Variants in CNMD observed in about 807,000 individuals in gnomAD.
CNMD encodes the protein leukocyte cell-derived chemotaxin 1.
Under a neutral mutation model 37.5 loss-of-function variants are expected in CNMD, and 30 were observed. That is an observed-to-expected ratio of 0.80 (90% CI 0.60 to 1.09). The LOEUF is 1.09. CNMD is among the 50% of genes least tolerant of loss of function. CNMD has a pLI of 0.00. For synonymous variants in CNMD, 167 were observed against 148.2 expected (o/e 1.13, Z -0.92); for missense variants, 398 against 423.9 (o/e 0.94, Z 0.54).
At position 52,708,613 on chromosome 13, in the gene CNMD, C is replaced by G; in HGVS notation, c.712G>C (p.Ala238Pro). The G allele has an allele frequency of 6.2e-7, 1 of 1,613,932 alleles. No homozygotes were observed. Among genetic ancestry groups the G allele is most frequent in the Non-Finnish European group, 8.5e-7 (1 of 1,179,878 alleles). Residue 238 changes from alanine to proline, a missense_variant, in exon 6 of 7, where the codon GCT (alanine) becomes CCT (proline). By Grantham distance (27) the Ala-to-Pro change is conservative. Transcript: ENST00000377962. ...CTGGTTTCATTATTCAGTCTTCCAG[C>G]GCCTGGGTTGCTCCGTGGTCCACTG... ...PHSGPRSNPG[A>P]GRLNNETRPS...
intron 4 of CNMD, among the ~76,000 whole-genome samples, chr13:52,718,436 G>T (rs1476246266): frequency 6.6e-6 from 1 of 152,056 alleles, no homozygotes. Flanking sequence ...TGATGTTAGG[G>T]TGTCAGTTTT....
intron 2 of CNMD, among the ~76,000 whole-genome samples, chr13:52,737,383 G>A (rs1175017596): frequency 1.3e-5 from 2 of 152,038 alleles, no homozygotes; most frequent in Non-Finnish European, 2.9e-5. Context: ...TTTGATTGTT[G>A]ACAATAAAAT....
At chr13:52,734,905 G>C (rs1964729841) in intron 2 of CNMD, among the ~76,000 whole-genome samples, 1 of 152,148 alleles carries the variant, frequency 6.6e-6, no homozygotes, top group South Asian at 2.1e-4. Context: ...TTTATTATCA[G>C]CAGAGATACA....
At position 52,703,755 on chromosome 13, in the gene CNMD, C is replaced by G; in HGVS notation, c.845G>C (p.Cys282Ser). 6.2e-7 allele frequency: 1 copy of G among 1,614,024 alleles called. No individual in the cohort carries two copies. The highest frequency in any genetic ancestry group is 1.3e-5 in the African/African-American group (1 of 75,052). ...FDPRLDHEGI[C>S]CIECRRSYTH... The stretch of plus-strand genomic sequence containing the variant: ...GTAGCTCCGCCTACATTCTATACAA[C>G]AGATTCCTTCGTGATCCAGTCTAGG... The change falls in exon 7 of 7, where the codon TGT (cysteine) becomes TCT (serine). Residue 282 changes from cysteine to serine, a missense_variant. By Grantham distance (112) the Cys-to-Ser change is moderately radical. Transcript: ENST00000377962.
chr13:52,708,004 A>G (rs548204597), intron 6 of CNMD, among the ~76,000 whole-genome samples: 14 of 152,038 alleles, frequency 9.2e-5, no homozygotes, highest in Admixed American at 2.0e-4. Flanking sequence ...AATCCCAGCT[A>G]CTTGGGAGGC....
chr13:52,739,633 G>T lies in CNMD; in HGVS notation c.69C>A (p.Pro23=). The T allele has an allele frequency of 6.2e-7, 1 of 1,613,836 alleles. No homozygotes were observed. The highest frequency in any genetic ancestry group is 8.5e-7 in the Non-Finnish European group (1 of 1,179,718). Residue 23 remains proline (P), a synonymous_variant, in exon 1 of 7, where the codon CCC becomes CCA. Transcript: ENST00000377962. The surrounding 1 kb of genome is among the most constrained non-coding windows in gnomAD (Gnocchi z 5.4). ...TGGAATCCCTGGCGGTACTCACCGG[G>T]GGGCTGCAGAATTCCACGTCATCAG... ...VGPDDVEFCS[P]PAYATLTVKP... is the part of the protein sequence containing the mutation.
chr13:52,720,461 T>C (rs1964463605), intron 4 of CNMD, among the ~76,000 whole-genome samples: 2 of 151,848 alleles, frequency 1.3e-5, no homozygotes, highest in African/African-American at 4.8e-5. Context: ...TTTTCCTTGA[T>C]GTTGGTGACC....
intron 4 of CNMD, among the ~76,000 whole-genome samples, chr13:52,716,849 G>T (rs541224962): frequency 2.6e-5 from 4 of 151,964 alleles, no homozygotes; most frequent in Non-Finnish European, 5.9e-5. Flanking sequence ...TTGGTTCCAC[G>T]TGAAATTTAA....
chr13:52,712,646 G>A lies in CNMD; in HGVS notation c.622+70C>T. 4.0e-6 allele frequency: 4 copies of A among 1,005,514 alleles called. No homozygotes were observed. The South Asian group carries it at 1.1e-4, about 28-fold the overall frequency. 62.3% of individuals were successfully genotyped at this position (1,005,514 alleles called of 1,614,324 possible). A position where few individuals can be genotyped will look rare whatever the true frequency, so the allele number is the denominator to read the frequency against. The stretch of plus-strand genomic sequence containing the variant: ...TGTTAACATGCTCAGGCCTGTGGAG[G>A]GGGTTGGAGGAACCTCACATGCATG... On this transcript the variant is annotated intron_variant, in intron 5 of 6. Coordinates refer to ENST00000377962, the MANE Select transcript of CNMD (RefSeq NM_007015.3).
intron 4 of CNMD, among the ~76,000 whole-genome samples, 199 bp downstream of exon 4, chr13:52,723,798 G>C (rs1306079953): frequency 6.6e-6 from 1 of 152,148 alleles, no homozygotes; most frequent in African/African-American, 2.4e-5. Context: ...GGATGTGGTG[G>C]TGTCCCTGTA....
intron 5 of CNMD, among the ~76,000 whole-genome samples, chr13:52,711,612 C>T (rs1168400068): frequency 6.6e-6 from 1 of 152,200 alleles, no homozygotes; most frequent in Non-Finnish European, 1.5e-5. Context: ...GCCATCTTCT[C>T]CAGCTTTGGG....
At position 52,703,510 on chromosome 13, in the gene CNMD, C is replaced by A; in HGVS notation, c.*85G>T. ...TTGAGTGTAAAAATATTTTGTGGTC[C>A]TATCAGCATCAACCTGCCTTAATGC... On this transcript the variant is annotated 3_prime_UTR_variant, in exon 7 of 7. Transcript: ENST00000377962. The A allele has an allele frequency of 1.2e-6, 1 of 858,392 alleles. No homozygotes were observed. The highest frequency in any genetic ancestry group is 2.5e-5 in the East Asian group (1 of 40,590). 53.2% of individuals were successfully genotyped at this position (858,392 alleles called of 1,614,324 possible).
At chr13:52,738,964 G>T in intron 2 of CNMD, 67 bp downstream of exon 2, 1 of 1,372,540 alleles carries the variant, frequency 7.3e-7, no homozygotes, top group Non-Finnish European at 9.4e-7. Context: ...GCCGGCCCGC[G>T]CTCGGGCTCC....
At chr13:52,737,273 T>A (rs761374445) in intron 2 of CNMD, among the ~76,000 whole-genome samples, 1 of 152,208 alleles carries the variant, frequency 6.6e-6, no homozygotes, top group East Asian at 1.9e-4. Context: ...CTATTTAGTA[T>A]TTTGTGATTT....
Position 52,739,346 on chromosome 13 carries a change from C to T in CNMD, c.73-175G>A. The T allele has an allele frequency of 2.5e-6, 2 of 798,286 alleles. No homozygotes were observed. Among genetic ancestry groups the T allele is most frequent in the South Asian group, 1.9e-5 (1 of 52,250 alleles). The allele number at this position is 798,286 out of a possible 1,614,324, so 49.5% of individuals were successfully genotyped here. On this transcript the variant is annotated intron_variant, in intron 1 of 6. Coordinates refer to ENST00000377962, the MANE Select transcript of CNMD (RefSeq NM_007015.3). The surrounding 1 kb of genome is among the most constrained non-coding windows in gnomAD (Gnocchi z 5.4). ...CGCGCTCCCTCCCGAGGGTCCTTTG[C>T]AGTCGGGCGTGGAAGTGGGATGAGC...
chr13:52,706,613 G>A (rs567580287), intron 6 of CNMD, among the ~76,000 whole-genome samples: 1 of 152,254 alleles, frequency 6.6e-6, no homozygotes, highest in South Asian at 2.1e-4. Context: ...TATACAATGA[G>A]TTACTATTAA....
At chr13:52,719,991 A>G (rs913400960) in intron 4 of CNMD, among the ~76,000 whole-genome samples, 1 of 152,122 alleles carries the variant, frequency 6.6e-6, no homozygotes, top group African/African-American at 2.4e-5. Flanking sequence ...GTTTTTTCAC[A>G]TAGTCCCATA....
At chr13:52,725,097 C>T (rs76669457) in intron 3 of CNMD, among the ~76,000 whole-genome samples, 6,263 of 152,186 alleles carry the variant, frequency 0.041, 150 homozygotes, top group South Asian at 0.064. Context: ...GATGAAATGC[C>T]ACCTTCTCCA....
chr13:52,728,923 A>G (rs74086022), intron 3 of CNMD, among the ~76,000 whole-genome samples: 4,614 of 152,236 alleles, frequency 0.03, 240 homozygotes, highest in African/African-American at 0.1. Context: ...CAGATATATT[A>G]AGAGATTAAA....
Sources: allele counts gnomAD v4.1 joint callset (sites outside exome capture counted in the v4.1 genomes callset), GRCh38; gene constraint gnomAD v4.1.1; non-coding constraint Gnocchi (gnomAD v3.1); transcripts MANE v1.5; gene names NCBI Gene and HGNC (gene_info 2026-07-23, HGNC 2026-07-21).